Variants in LCT observed in about 807,000 individuals in gnomAD.
The protein encoded by LCT is lactase/phlorizin hydrolase.
LCT carries 90 observed loss-of-function variants against 173.0 expected under a neutral mutation model. That is an observed-to-expected ratio of 0.52 (90% CI 0.44 to 0.62). The LOEUF (loss-of-function observed/expected upper bound fraction) is 0.62. Ranked by LOEUF, LCT falls within the 20% of genes least tolerant of loss-of-function variation. LCT has a pLI of 0.00. For synonymous variants in LCT, 853 were observed against 957.6 expected (o/e 0.89, Z 2.02); for missense variants, 1,864 against 2,431.4 (o/e 0.77, Z 4.91).
rs2077808136 is a variant in LCT, at chr2:135,819,206, C to T, written c.987-1145G>A. Among the ~76,000 whole-genome samples, 3 of 152,302 alleles carry T rather than the reference C, an allele frequency of 2.0e-5. No individual in the cohort carries two copies. In the South Asian group the frequency reaches 6.2e-4, roughly 32 times the overall value. On this transcript the variant is annotated intron_variant, in intron 5 of 16. Transcript: ENST00000264162. Reference sequence around the variant, plus strand: ...ATATGTATATGCATATGAAATAAAACATCACATAAAAGTGCATGCTGCATT... The same window carrying T: ...ATATGTATATGCATATGAAATAAAATATCACATAAAAGTGCATGCTGCATT...
chr2:135,808,975 G>A lies in LCT; in HGVS notation c.3372C>T (p.Leu1124=). Residue 1124 remains leucine (L), a synonymous_variant, in exon 8 of 17, where the codon CTC becomes CTT. Coordinates refer to ENST00000264162, the MANE Select transcript of LCT (RefSeq NM_002299.4). ...ACTTGGGCTCTGCCCAGTGTGTACTGAGGCTCAGCGAGATGACCCCCTTCT... is the reference window on the plus strand; with the variant it reads ...ACTTGGGCTCTGCCCAGTGTGTACTAAGGCTCAGCGAGATGACCCCCTTCT... ...QEQKGVISLS[L]STHWAEPKSP... 1 of 1,612,008 alleles carries A rather than the reference G, an allele frequency of 6.2e-7. No homozygotes were observed.
At chr2:135,824,762 G>A (rs1229326318) in intron 3 of LCT, among the ~76,000 whole-genome samples, 30 of 152,116 alleles carry the variant, frequency 2.0e-4, no homozygotes, top group Admixed American at 2.0e-3. Context: ...CAGCACTTTG[G>A]GAAGTTGAGG....
chr2:135,836,579 ATCACTGAGG>A lies in LCT; in HGVS notation c.582_590del (p.Leu195_Asp197del), dbSNP rs1679388238. The A allele has an allele frequency of 2.5e-6, 4 of 1,613,930 alleles. No individual in the cohort carries two copies. Among genetic ancestry groups the A allele is most frequent in the African/African-American group, 1.3e-5 (1 of 74,910 alleles). ...AAATCTCATAGGCTTTTCTGTGGGC[ATCACTGAGG>A]GTCTGGAGTTGTGACGCTCTTGATT... On this transcript the variant is annotated inframe_deletion, in exon 1 of 17. Transcript: ENST00000264162.
intron 14 of LCT, among the ~76,000 whole-genome samples, chr2:135,793,133 G>A (rs780078829): frequency 1.6e-4 from 25 of 152,296 alleles, no homozygotes; most frequent in Admixed American, 5.9e-4. Flanking sequence ...CTGTCCACAT[G>A]ACAACTTCAC....
chr2:135,794,799 G>A (rs1401025849), intron 13 of LCT, 24 bp from the exon 14 acceptor site: 1 of 1,613,826 alleles, frequency 6.2e-7, no homozygotes, highest in African/African-American at 1.3e-5. Context: ...GCCATTGAGG[G>A]CAGGGCTTCA....
At chr2:135,802,759 T>A (rs2077637148) in intron 11 of LCT, among the ~76,000 whole-genome samples, 1 of 152,130 alleles carries the variant, frequency 6.6e-6, no homozygotes, top group South Asian at 2.1e-4. Context: ...GATACAAAGT[T>A]AAGCTAGATA....
At position 135,837,116 on chromosome 2, in the gene LCT, C is replaced by G. The variant is rs886054870; in HGVS notation, c.54G>C (p.Trp18Cys). ...TTCTATCAGACTCCCAGTCTGACCCCCAGCATGAAAAACTTAGCAGGGCAA... is the reference window on the plus strand; with the variant it reads ...TTCTATCAGACTCCCAGTCTGACCCGCAGCATGAAAAACTTAGCAGGGCAA... ...VFIALLSFSC[W>C]GSDWESDRNF... Residue 18 changes from tryptophan (W) to cysteine (C), a missense_variant, in exon 1 of 17, where the codon TGG (tryptophan) becomes TGC (cysteine). Transcript: ENST00000264162. 6.2e-7 allele frequency: 1 copy of G among 1,613,904 alleles called. No homozygotes were observed. Among genetic ancestry groups the G allele is most frequent in the East Asian group, 2.2e-5 (1 of 44,872 alleles).
chr2:135,825,511 A>C (rs2077881159), intron 3 of LCT, among the ~76,000 whole-genome samples: 4 of 152,198 alleles, frequency 2.6e-5, no homozygotes, highest in Non-Finnish European at 5.9e-5. Flanking sequence ...CCAGGGCTGG[A>C]GAGCTAGAGG....
chr2:135,813,885 C>A (rs573104453), intron 6 of LCT, among the ~76,000 whole-genome samples: 69 of 152,328 alleles, frequency 4.5e-4, no homozygotes, highest in Admixed American at 7.8e-4. Flanking sequence ...CATGCTCTTA[C>A]AAACAGCAAC....
chr2:135,818,098 G>C, intron 5 of LCT, 37 bp from the exon 6 acceptor site: 6 of 1,611,794 alleles, frequency 3.7e-6, no homozygotes, highest in Non-Finnish European at 4.2e-6. Flanking sequence ...ACATAATAAT[G>C]AATGACGCTG....
intron 8 of LCT, among the ~76,000 whole-genome samples, chr2:135,808,047 A>T (rs1053892211): frequency 2.6e-5 from 4 of 152,140 alleles, no homozygotes; most frequent in African/African-American, 9.7e-5. Flanking sequence ...CTCAAAAAAA[A>T]AAAAGGAAGT....
At chr2:135,824,037 G>T in intron 3 of LCT, 34 bp from the exon 4 acceptor site, 1 of 1,387,652 alleles carries the variant, frequency 7.2e-7, no homozygotes, top group Non-Finnish European at 1.0e-6. Flanking sequence ...GTGAACTGAA[G>T]CCTCCTGGAA....
Position 135,809,113 on chromosome 2 carries a change from T to G in LCT, c.3234A>C (p.Glu1078Asp). 1 of 1,614,124 alleles carries G rather than the reference T, an allele frequency of 6.2e-7. No homozygotes were observed. Among genetic ancestry groups the G allele is most frequent in the Admixed American group, 1.7e-5 (1 of 60,026 alleles). The change falls in exon 8 of 17, where the codon GAA (glutamate) becomes GAC (aspartate). Residue 1078 changes from glutamate (E) to aspartate (D), a missense_variant. Glu to Asp is a conservative substitution (Grantham distance 45). This residue lies in a region of LCT where 755 missense variants were observed against 926.3 expected (regional missense o/e 0.82). Coordinates refer to ENST00000264162, the MANE Select transcript of LCT (RefSeq NM_002299.4). The surrounding 1 kb of genome is among the most constrained non-coding windows in gnomAD (Gnocchi z 5.5). ...YLAWLGYGSG[E>D]FPPGVKDPGW... ...CTGGGTCCTTCACCCCTGGGGGAAA[T>G]TCCCCTGAGCCATAACCTAGCCATG...
chr2:135,817,535 G>A lies in LCT; in HGVS notation c.1513C>T (p.Gln505Ter), dbSNP rs1558741337. 2 of 1,614,116 alleles carry A rather than the reference G, an allele frequency of 1.2e-6. No homozygotes were observed. Among genetic ancestry groups the A allele is most frequent in the Non-Finnish European group, 1.7e-6 (2 of 1,180,012 alleles). Residue 505 changes from glutamine to a stop codon, truncating the protein, a stop_gained, in exon 6 of 17, where the codon CAG (glutamine) becomes TAG (stop). Coordinates refer to ENST00000264162, the MANE Select transcript of LCT (RefSeq NM_002299.4). LOFTEE classifies it high-confidence loss of function. ...LFHWDLPQAL[Q>*]DHGGWQNESV... is the part of the protein sequence containing the mutation. ...TCATTCTGCCATCCACCATGATCCT[G>A]CAGGGCCTGAGGCAGGTCCCAGTGG...
intron 6 of LCT, among the ~76,000 whole-genome samples, chr2:135,815,822 C>T (rs948672367): frequency 6.6e-6 from 1 of 152,096 alleles, no homozygotes; most frequent in Non-Finnish European, 1.5e-5. Context: ...GCCTCAGCCT[C>T]CCAAGTAGAT....
intron 8 of LCT, among the ~76,000 whole-genome samples, chr2:135,807,806 CAAA>C (rs34014625): frequency 6.9e-6 from 1 of 145,754 alleles, no homozygotes. Context: ...GAGACTGTCT[CAAA>C]AAAAAAAAAA....
At chr2:135,827,103 C>T (rs1222791377) in intron 3 of LCT, among the ~76,000 whole-genome samples, 1 of 152,140 alleles carries the variant, frequency 6.6e-6, no homozygotes, top group East Asian at 1.9e-4. Flanking sequence ...CTCAGCCTCC[C>T]AAGGAGCTGG....
rs773805304 is a variant in LCT at position 135,837,113 on chromosome 2, C to T, written c.57G>A (p.Gly19=). ...FIALLSFSCW[G]SDWESDRNFI... Reference sequence around the variant, plus strand: ...AATTTCTATCAGACTCCCAGTCTGACCCCCAGCATGAAAAACTTAGCAGGG... The same window carrying T: ...AATTTCTATCAGACTCCCAGTCTGATCCCCAGCATGAAAAACTTAGCAGGG... Residue 19 remains glycine (G), a synonymous_variant, in exon 1 of 17, where the codon GGG becomes GGA. Transcript: ENST00000264162. 27 of 1,613,322 alleles carry T rather than the reference C, an allele frequency of 1.7e-5. No individual in the cohort carries two copies. Among genetic ancestry groups the T allele is most frequent in the Admixed American group, 6.7e-5 (4 of 59,990 alleles).
chr2:135,832,179 G>A, intron 2 of LCT, among the ~76,000 whole-genome samples: 1 of 151,740 alleles, frequency 6.6e-6, no homozygotes. Context: ...TCGTGCCACT[G>A]CACTCCAGCC....
Sources: gnomAD v4.1 joint callset for allele counts (sites outside exome capture counted in the v4.1 genomes callset) on GRCh38, gnomAD v4.1.1 for gene constraint, gnomAD v4.1.1 regional missense constraint, Gnocchi (gnomAD v3.1) non-coding constraint, MANE v1.5 for transcripts, NCBI Gene and HGNC (gene_info 2026-07-23, HGNC 2026-07-21) for gene names.